Variants in UBE2G2 observed in about 807,000 individuals in gnomAD.
UBE2G2 encodes the protein ubiquitin-conjugating enzyme E2 G2.
In UBE2G2, 10 loss-of-function variants were observed where a neutral mutation model predicts 23.0. The observed-to-expected ratio is 0.43, with a 90% CI of 0.27 to 0.74. The LOEUF (loss-of-function observed/expected upper bound fraction) is 0.74. Among genes scored for constraint, UBE2G2 ranks in the 30% least tolerant of loss-of-function variants. UBE2G2 has a pLI of 0.19. For missense variants in UBE2G2, 150 were observed against 218.3 expected, an observed-to-expected ratio of 0.69 and a Z score of 1.97; for synonymous variants, 86 against 81.3, an observed-to-expected ratio of 1.06 and a Z score of -0.31.
intron 3 of UBE2G2, chr21:44,779,151 C>A: frequency 2.7e-6 from 1 of 377,250 alleles, no homozygotes; most frequent in Non-Finnish European, 5.2e-6. Flanking sequence ...CACCTGGAGG[C>A]GGCACTCAGG....
intron 3 of UBE2G2, among the ~76,000 whole-genome samples, chr21:44,785,977 C>T (rs1173179863): frequency 6.6e-6 from 1 of 152,198 alleles, no homozygotes; most frequent in Non-Finnish European, 1.5e-5. Context: ...GTAATAGTTA[C>T]CCTAATCGAT....
intron 3 of UBE2G2, among the ~76,000 whole-genome samples, chr21:44,780,992 C>A (rs1212412953): frequency 6.6e-6 from 1 of 152,258 alleles, no homozygotes; most frequent in Non-Finnish European, 1.5e-5. Flanking sequence ...GTTCCAGGAA[C>A]TGGTGCGCTC....
intron 5 of UBE2G2, 90 bp downstream of exon 5, chr21:44,773,457 G>A: frequency 6.8e-7 from 1 of 1,462,042 alleles, no homozygotes. Context: ...ATGAGGAAAA[G>A]GACATTCTAA....
intron 1 of UBE2G2, chr21:44,800,505 A>T (rs1293132533): frequency 2.0e-5 from 3 of 152,252 alleles, no homozygotes; most frequent in African/African-American, 7.2e-5. Context: ...TTTAAAAGTT[A>T]TGAGAGGCTA....
chr21:44,797,487 C>T (rs1275245103), intron 1 of UBE2G2, among the ~76,000 whole-genome samples: 3 of 152,142 alleles, frequency 2.0e-5, no homozygotes, highest in Non-Finnish European at 2.9e-5. Context: ...GAGGCCGAGG[C>T]TGGCGGATCA....
chr21:44,778,458 A>T (rs1601181132), intron 3 of UBE2G2, among the ~76,000 whole-genome samples: 1 of 152,362 alleles, frequency 6.6e-6, no homozygotes, highest in Admixed American at 6.5e-5. Context: ...AGATGAAACC[A>T]TTTCAGAAAT....
chr21:44,770,339 CACTAGTT>C lies in UBE2G2; in HGVS notation c.*1031_*1037del, dbSNP rs2082863432. On this transcript the variant is annotated 3_prime_UTR_variant, in exon 6 of 6. Coordinates refer to ENST00000345496, the MANE Select transcript of UBE2G2 (RefSeq NM_003343.6). ...CTCACCTGCACCTGCTCTAGTAATG[CACTAGTT>C]ACTAATATACAAACGTAAATCTTTG... is the stretch of plus-strand genomic sequence containing the variant. 1 of 152,210 alleles carries C rather than the reference CACTAGTT, an allele frequency of 6.6e-6. No individual in the cohort carries two copies. The highest frequency in any genetic ancestry group is 2.1e-4 in the South Asian group (1 of 4,834). 9.4% of individuals were successfully genotyped at this position (152,210 alleles called of 1,614,324 possible).
chr21:44,774,462 TATA>T (rs1274337330), intron 4 of UBE2G2: 4 of 241,296 alleles, frequency 1.7e-5, no homozygotes, highest in African/African-American at 4.7e-5. Flanking sequence ...CCATTAAAGT[TATA>T]ATAATAGAAA....
intron 1 of UBE2G2, chr21:44,801,280 T>G: frequency 9.9e-7 from 1 of 1,009,334 alleles, no homozygotes; most frequent in Non-Finnish European, 1.2e-6. Flanking sequence ...AGCCAAAATC[T>G]GACCTTTCAA....
At position 44,782,990 on chromosome 21, in the gene UBE2G2, G is replaced by C. The variant is rs2082968128; in HGVS notation, c.125+4930C>G. ...GACTCTATTAAGAAAACAAAATGGA[G>C]AGTTGCAGATTGGAAGAAAATATTT... On this transcript the variant is annotated intron_variant, in intron 3 of 5. Transcript: ENST00000345496. Among the ~76,000 whole-genome samples the C allele has an allele frequency of 2.0e-5, 3 of 152,178 alleles. No homozygotes were observed. The South Asian group carries it at 6.2e-4, about 31-fold the overall frequency.
intron 1 of UBE2G2, among the ~76,000 whole-genome samples, chr21:44,790,201 T>TA (rs1227128211): frequency 6.6e-5 from 10 of 152,290 alleles, no homozygotes; most frequent in African/African-American, 2.4e-4. Flanking sequence ...ATTAAAGACT[T>TA]AAAGTGCTGG....
At chr21:44,788,237 G>T in intron 1 of UBE2G2, 142 bp from the exon 2 acceptor site, 8 of 669,316 alleles carry the variant, frequency 1.2e-5, no homozygotes, top group African/African-American at 1.8e-5. Context: ...TGCCCAAAGT[G>T]AATACCTAGT....
Position 44,771,291 on chromosome 21 carries a change from A to G in UBE2G2, c.*86T>C. Reference sequence around the variant, plus strand: ...TTGCAAGTCTGCCTTGTTTGGTACCAGCACAGAGCATCACTGTCACTAAGT... The same window carrying G: ...TTGCAAGTCTGCCTTGTTTGGTACCGGCACAGAGCATCACTGTCACTAAGT... On this transcript the variant is annotated 3_prime_UTR_variant, in exon 6 of 6. Coordinates refer to ENST00000345496, the MANE Select transcript of UBE2G2 (RefSeq NM_003343.6). The surrounding 1 kb of genome is among the most constrained non-coding windows in gnomAD (Gnocchi z 4.6). The G allele has an allele frequency of 7.8e-7, 1 of 1,282,210 alleles. No homozygotes were observed. Among genetic ancestry groups the G allele is most frequent in the Non-Finnish European group, 1.1e-6 (1 of 900,918 alleles). 79.4% of individuals were successfully genotyped at this position (1,282,210 alleles called of 1,614,324 possible).
In UBE2G2 at chr21:44,768,895, T is replaced by A. The variant is rs1480129480; in HGVS notation, c.*2482A>T. The A allele has an allele frequency of 1.3e-5, 2 of 151,928 alleles. No individual in the cohort carries two copies. The highest frequency in any genetic ancestry group is 1.3e-4 in the Admixed American group (2 of 15,256). 9.4% of individuals were successfully genotyped at this position (151,928 alleles called of 1,614,324 possible). On this transcript the variant is annotated 3_prime_UTR_variant, in exon 6 of 6. Transcript: ENST00000345496. ...AGACCACAGAATGACAGAAGGGAGA[T>A]CAGAAACAGAAGAAAACATGCCAGA...
intron 3 of UBE2G2, among the ~76,000 whole-genome samples, chr21:44,778,955 A>C (rs1193589443): frequency 2.6e-5 from 4 of 152,238 alleles, no homozygotes; most frequent in Non-Finnish European, 5.9e-5. Flanking sequence ...AAAATAATTT[A>C]AAAAAATATA....
intron 4 of UBE2G2, chr21:44,774,630 G>A: frequency 4.7e-6 from 2 of 423,574 alleles, no homozygotes; most frequent in Non-Finnish European, 9.4e-6. Flanking sequence ...TGTTTCAGTG[G>A]TGAACGTTCA....
At chr21:44,776,921 T>A (rs2082917645) in intron 4 of UBE2G2, 1 of 192,902 alleles carries the variant, frequency 5.2e-6, no homozygotes. Context: ...AATATATAAC[T>A]TAATTTATTC....
At chr21:44,773,865 G>T in intron 4 of UBE2G2, 178 bp from the exon 5 acceptor site, 1 of 823,642 alleles carries the variant, frequency 1.2e-6, no homozygotes, top group African/African-American at 1.7e-5. Context: ...CAGGAATCCC[G>T]GTGGGGCCTG....
chr21:44,781,900 G>C (rs971049749), intron 3 of UBE2G2, among the ~76,000 whole-genome samples: 1 of 151,996 alleles, frequency 6.6e-6, no homozygotes, highest in African/African-American at 2.4e-5. Flanking sequence ...TGTCCAAAAG[G>C]CATCTACAGC....
Sources: gnomAD v4.1 joint callset for allele counts (sites outside exome capture counted in the v4.1 genomes callset) on GRCh38, gnomAD v4.1.1 for gene constraint, Gnocchi (gnomAD v3.1) non-coding constraint, MANE v1.5 for transcripts, NCBI Gene and HGNC (gene_info 2026-07-23, HGNC 2026-07-21) for gene names.